The following CPD variants were observed in gnomAD, a reference collection of about 807,000 sequenced individuals.
The protein encoded by CPD is metallocarboxypeptidase D.
In CPD, 69 loss-of-function variants were observed where a neutral mutation model predicts 138.3. The ratio of observed to expected loss-of-function variants is 0.50; its 90% confidence interval spans 0.41 to 0.61. The LOEUF (loss-of-function observed/expected upper bound fraction) is 0.61, where lower values mean the gene tolerates loss of function less well. Among genes scored for constraint, CPD ranks in the 20% least tolerant of loss-of-function variants. The pLI is 0.00. For missense variants in CPD, 1,432 were observed against 1,733.3 expected, an observed-to-expected ratio of 0.83 and a Z score of 3.09; for synonymous variants, 651 against 642.1, an observed-to-expected ratio of 1.01 and a Z score of -0.21.
chr17:30,432,660 A>T (rs1912594244), intron 8 of CPD, among the ~76,000 whole-genome samples: 1 of 152,142 alleles, frequency 6.6e-6, no homozygotes, highest in South Asian at 2.1e-4. Context: ...AAATCGTAGC[A>T]CTTTGGTAGG....
chr17:30,381,573 G>T (rs1911048020), intron 1 of CPD, among the ~76,000 whole-genome samples: 1 of 152,126 alleles, frequency 6.6e-6, no homozygotes, highest in African/African-American at 2.4e-5. Context: ...TCCTAACTCA[G>T]TCTTCAAGAA....
At chr17:30,459,872 A>G (rs189378586) in intron 17 of CPD, among the ~76,000 whole-genome samples, 2 of 152,320 alleles carry the variant, frequency 1.3e-5, no homozygotes, top group African/African-American at 4.8e-5. Flanking sequence ...TGGTTGGCTG[A>G]TCATTTTATT....
intron 17 of CPD, among the ~76,000 whole-genome samples, chr17:30,457,931 G>A (rs1913342550): frequency 1.3e-5 from 2 of 152,174 alleles, no homozygotes. Flanking sequence ...GGTGGCTCAT[G>A]CCTATAATCC....
chr17:30,432,989 T>C (rs1033469072), intron 8 of CPD, among the ~76,000 whole-genome samples: 3 of 152,304 alleles, frequency 2.0e-5, no homozygotes, highest in East Asian at 3.9e-4. Context: ...TTAGTTTCAA[T>C]GTTTGGTGTT....
intron 2 of CPD, among the ~76,000 whole-genome samples, chr17:30,393,674 G>A (rs1026840250): frequency 1.2e-4 from 19 of 152,156 alleles, no homozygotes; most frequent in East Asian, 1.9e-4. Flanking sequence ...TAATGAACGC[G>A]TACAGAATAC....
At chr17:30,451,575 A>C in intron 13 of CPD, 136 bp from the exon 14 acceptor site, 1 of 772,712 alleles carries the variant, frequency 1.3e-6, no homozygotes, top group Non-Finnish European at 2.0e-6. Context: ...TTAATTTTTT[A>C]TTTTTTCATT....
At chr17:30,398,533 G>T (rs575993899) in intron 2 of CPD, among the ~76,000 whole-genome samples, 1 of 152,142 alleles carries the variant, frequency 6.6e-6, no homozygotes, top group African/African-American at 2.4e-5. Context: ...TGTTATTAAT[G>T]TCAGGCCTAT....
chr17:30,383,228 C>G (rs980204685), intron 1 of CPD, among the ~76,000 whole-genome samples: 2 of 152,160 alleles, frequency 1.3e-5, no homozygotes, highest in African/African-American at 4.8e-5. Flanking sequence ...ATGCTAGATA[C>G]CTCCAAAGAA....
Position 30,456,356 on chromosome 17 carries a change from A to G in CPD, c.3433+5A>G. 6.2e-7 allele frequency: 1 copy of G among 1,613,614 alleles called. No individual in the cohort carries two copies. Among genetic ancestry groups the G allele is most frequent in the Non-Finnish European group, 8.5e-7 (1 of 1,179,506 alleles). ...CCAGTTGCCCAAATAAATCAGGTAG[A>G]TGTTTTCCATACCTTTTGTTATTGC... On this transcript the variant is annotated splice_donor_5th_base_variant and intron_variant, in intron 16 of 20. Transcript: ENST00000225719.
rs1910965909 is a variant in CPD at position 30,379,045 on chromosome 17, T to A, written c.65T>A (p.Leu22Gln). 7.1e-6 allele frequency: 11 copies of A among 1,559,078 alleles called. No individual in the cohort carries two copies. The highest frequency in any genetic ancestry group is 9.5e-6 in the Non-Finnish European group (11 of 1,160,178). ...RLGRLLLLMC[L>Q]LLLGSSARAA... ...GGGCGGCTCCTGTTGCTCATGTGCC[T>A]GCTGCTGCTGGGGAGCTCGGCCCGG... The change falls in exon 1 of 21, where the codon CTG becomes CAG. Residue 22 changes from leucine to glutamine, a missense_variant. Physicochemically the swap from Leu to Gln is moderately radical, Grantham distance 113 (BLOSUM62 -2). Around this residue, in one of 6 missense-constraint regions of CPD, gnomAD observed 484 missense variants for 477.2 expected, o/e 1.01. Transcript: ENST00000225719. This position sits in a 1 kb window ranked among gnomAD's most constrained non-coding sequence, Gnocchi z 7.0.
intron 13 of CPD, among the ~76,000 whole-genome samples, chr17:30,450,976 G>A (rs1343697001): frequency 6.6e-6 from 1 of 152,188 alleles, no homozygotes; most frequent in African/African-American, 2.4e-5. Flanking sequence ...AATTGGCACT[G>A]TCCATAGTGG....
At chr17:30,439,168 G>A in intron 9 of CPD, 91 bp downstream of exon 9, 1 of 675,904 alleles carries the variant, frequency 1.5e-6, no homozygotes, top group Non-Finnish European at 2.5e-6. Flanking sequence ...TAGTTTTGAG[G>A]AATAATAATT....
In CPD at chr17:30,379,262, G is replaced by C. The variant is rs1042378758; in HGVS notation, c.282G>C (p.Leu94=). The C allele has an allele frequency of 2.0e-5, 30 of 1,515,130 alleles. No homozygotes were observed. Among genetic ancestry groups the C allele is most frequent in the Non-Finnish European group, 2.5e-5 (28 of 1,137,956 alleles). The allele number at this position is 1,515,130 out of a possible 1,614,324, so 93.9% of individuals were successfully genotyped here. The change falls in exon 1 of 21, where the codon CTG becomes CTC. Residue 94 remains leucine, a synonymous_variant. Coordinates refer to ENST00000225719, the MANE Select transcript of CPD (RefSeq NM_001304.5). This position sits in a 1 kb window ranked among gnomAD's most constrained non-coding sequence, Gnocchi z 7.0. ...GCCGCTCGGTGGAAGGCCGGCCGCT[G>C]TGGGTGCTTCGCCTCACCGCCGGCC... is the stretch of plus-strand genomic sequence containing the variant. ...SIGRSVEGRP[L]WVLRLTAGLG... is the part of the protein sequence containing the mutation.
chr17:30,445,716 A>T lies in CPD; in HGVS notation c.2569A>T (p.Thr857Ser), dbSNP rs1913008443. 1.2e-6 allele frequency: 2 copies of T among 1,610,134 alleles called. No homozygotes were observed. Among genetic ancestry groups the T allele is most frequent in the African/African-American group, 1.3e-5 (1 of 74,760 alleles). Residue 857 changes from threonine to serine, a missense_variant, in exon 12 of 21, where the codon ACT becomes TCT. Thr to Ser is a moderately conservative substitution (Grantham distance 58). Coordinates refer to ENST00000225719, the MANE Select transcript of CPD (RefSeq NM_001304.5). ...GTATAATCCAGTTACCAAGAATGTGACTGTCAAGAGTGAAGGCGCTATTCA... is the reference window on the plus strand; with the variant it reads ...GTATAATCCAGTTACCAAGAATGTGTCTGTCAAGAGTGAAGGCGCTATTCA... ...RGYNPVTKNV[T>S]VKSEGAIQVN...
At chr17:30,393,342 T>TTAATTGCGTGGAGCTA (rs1911408158) in intron 2 of CPD, among the ~76,000 whole-genome samples, 1 of 152,228 alleles carries the variant, frequency 6.6e-6, no homozygotes, top group East Asian at 1.9e-4. Flanking sequence ...ACAATGCTGT[T>TTAATTGCGTGGAGCTA]GAAAGTTTAG....
At chr17:30,428,810 T>C (rs1912488349) in intron 7 of CPD, among the ~76,000 whole-genome samples, 1 of 151,832 alleles carries the variant, frequency 6.6e-6, no homozygotes, top group Non-Finnish European at 1.5e-5. Context: ...GTAGTGGTTG[T>C]ACAACCCTGT....
At chr17:30,428,198 G>C (rs1323233563) in intron 7 of CPD, among the ~76,000 whole-genome samples, 1 of 152,068 alleles carries the variant, frequency 6.6e-6, no homozygotes, top group Non-Finnish European at 1.5e-5. Context: ...ATATAATTTA[G>C]CAGGATGGAT....
intron 1 of CPD, among the ~76,000 whole-genome samples, chr17:30,384,059 C>T (rs369237903): frequency 6.6e-6 from 1 of 152,136 alleles, no homozygotes; most frequent in Admixed American, 6.5e-5. Context: ...GTTTCTTTTA[C>T]AGGAGCAGCC....
At position 30,468,158 on chromosome 17, in the gene CPD, T is replaced by C. The variant is rs990332139; in HGVS notation, c.*3344T>C. 6.6e-6 allele frequency: 1 copy of C among 152,606 alleles called. No individual in the cohort carries two copies. Among genetic ancestry groups the C allele is most frequent in the Non-Finnish European group, 1.5e-5 (1 of 68,012 alleles). The allele number at this position is 152,606 out of a possible 1,614,324, so 9.5% of individuals were successfully genotyped here. ...ATTTTTAGCAATAATTCGTTAATGA[T>C]TCCACTTGATTTTCAGAATATTGTC... is the stretch of plus-strand genomic sequence containing the variant. On this transcript the variant is annotated 3_prime_UTR_variant, in exon 21 of 21. Coordinates refer to ENST00000225719, the MANE Select transcript of CPD (RefSeq NM_001304.5).
Sources: allele counts gnomAD v4.1 joint callset (sites outside exome capture counted in the v4.1 genomes callset), GRCh38; gene constraint gnomAD v4.1.1; regional missense constraint gnomAD v4.1.1; non-coding constraint Gnocchi (gnomAD v3.1); transcripts MANE v1.5; gene names NCBI Gene and HGNC (gene_info 2026-07-23, HGNC 2026-07-21).